The following CTNNA2 variants were observed in gnomAD, a reference collection of about 807,000 sequenced individuals.
CTNNA2 encodes the protein catenin alpha-2.
CTNNA2 carries 42 observed loss-of-function variants against 101.0 expected under a neutral mutation model. That is an observed-to-expected ratio of 0.42 (90% CI 0.32 to 0.54). The LOEUF is 0.54. Ranked by LOEUF, CTNNA2 falls within the 20% of genes least tolerant of loss-of-function variation. The probability of loss-of-function intolerance (pLI) is 0.14; values close to 1 mark genes in which losing one functional copy is unlikely to be tolerated. For synonymous variants in CTNNA2, 450 were observed against 456.4 expected, an observed-to-expected ratio of 0.99 and a Z score of 0.18; for missense variants, 871 against 1,223.1, an observed-to-expected ratio of 0.71 and a Z score of 4.29.
At chr2:79,669,601 T>C (rs1459275520) in intron 2 of CTNNA2, among the ~76,000 whole-genome samples, 1 of 152,154 alleles carries the variant, frequency 6.6e-6, no homozygotes, top group East Asian at 1.9e-4. Flanking sequence ...GAGAAGGCCC[T>C]GGAGAGGGTG....
intron 13 of CTNNA2, chr2:80,575,330 A>G (rs906131693): frequency 2.6e-5 from 4 of 152,180 alleles, no homozygotes; most frequent in African/African-American, 9.6e-5. Context: ...TTAAAAATTT[A>G]TTTAACCAAA....
In CTNNA2 at chr2:79,958,911, A is replaced by G. The variant is rs188034663; in HGVS notation, c.1056+49114A>G. On this transcript the variant is annotated intron_variant, in intron 7 of 18. Coordinates refer to ENST00000402739, the MANE Select transcript of CTNNA2 (RefSeq NM_001282597.3). ...CCTAAATTTGTTCTGCATGGTAACCATGTTACTTATGTAGGTCTTGGCCAC... is the reference window on the plus strand; with the variant it reads ...CCTAAATTTGTTCTGCATGGTAACCGTGTTACTTATGTAGGTCTTGGCCAC... Among the ~76,000 whole-genome samples, 117 of 152,252 alleles carry G rather than the reference A, an allele frequency of 7.7e-4. 2 individuals carry two copies. In the East Asian group the frequency reaches 0.018, roughly 23 times the overall value.
chr2:80,631,361 A>ATTT (rs35491193), intron 18 of CTNNA2, among the ~76,000 whole-genome samples: 6,337 of 108,142 alleles, frequency 0.059, 307 homozygotes, highest in African/African-American at 0.16. Flanking sequence ...GAAACCACTA[A>ATTT]TTTTTTTTTT....
intron 2 of CTNNA2, among the ~76,000 whole-genome samples, chr2:79,216,348 G>C (rs1329637772): frequency 7.1e-6 from 1 of 140,762 alleles, no homozygotes; most frequent in Non-Finnish European, 1.6e-5. Flanking sequence ...GAGACACGGA[G>C]GGAAGGGGTT....
At chr2:80,036,318 G>A (rs959238241) in intron 7 of CTNNA2, among the ~76,000 whole-genome samples, 1 of 152,190 alleles carries the variant, frequency 6.6e-6, no homozygotes, top group Non-Finnish European at 1.5e-5. Flanking sequence ...ACTCAGACAG[G>A]TGCAGTTGCT....
At chr2:79,626,190 A>T (rs1488952379) in intron 1 of CTNNA2, among the ~76,000 whole-genome samples, 1 of 152,200 alleles carries the variant, frequency 6.6e-6, no homozygotes, top group Non-Finnish European at 1.5e-5. Context: ...GAACACAGCA[A>T]GTGGCCTTCT....
chr2:79,645,269 G>A (rs1301302386), intron 1 of CTNNA2, among the ~76,000 whole-genome samples: 2 of 152,132 alleles, frequency 1.3e-5, no homozygotes, highest in African/African-American at 4.8e-5. Context: ...TTATAGACGA[G>A]AGCAATCGCA....
intron 7 of CTNNA2, among the ~76,000 whole-genome samples, chr2:80,042,395 G>T (rs538018703): frequency 2.6e-5 from 4 of 152,198 alleles, no homozygotes; most frequent in Admixed American, 2.6e-4. Flanking sequence ...GTTGAGAATC[G>T]GGTTTAATAA....
intron 2 of CTNNA2, among the ~76,000 whole-genome samples, chr2:79,263,699 A>C (rs895090508): frequency 6.6e-6 from 1 of 152,156 alleles, no homozygotes; most frequent in Non-Finnish European, 1.5e-5. Flanking sequence ...CTTCATTACC[A>C]CAAGAGTGGG....
chr2:80,147,372 A>C (rs1703415440), intron 7 of CTNNA2, among the ~76,000 whole-genome samples: 1 of 152,138 alleles, frequency 6.6e-6, no homozygotes, highest in Non-Finnish European at 1.5e-5. Context: ...AAGTGCTGGG[A>C]TTACAGCCTT....
intron 9 of CTNNA2, among the ~76,000 whole-genome samples, chr2:80,482,135 A>T (rs1470733264): frequency 6.6e-6 from 1 of 152,084 alleles, no homozygotes; most frequent in African/African-American, 2.4e-5. Flanking sequence ...TAGTCTTTAG[A>T]AATAAAGGCA....
At chr2:80,308,527 A>G (rs1349526473) in intron 7 of CTNNA2, among the ~76,000 whole-genome samples, 3 of 152,302 alleles carry the variant, frequency 2.0e-5, no homozygotes, top group East Asian at 3.9e-4. Context: ...CACATACCAT[A>G]CAGCTGGCAT....
chr2:79,217,417 G>C (rs1030014165), intron 2 of CTNNA2, among the ~76,000 whole-genome samples: 2 of 152,140 alleles, frequency 1.3e-5, no homozygotes, highest in African/African-American at 4.8e-5. Context: ...AGTCAGTGAA[G>C]GGAGATAGAG....
chr2:79,528,443 G>A (rs186998893), intron 1 of CTNNA2, among the ~76,000 whole-genome samples: 47 of 152,012 alleles, frequency 3.1e-4, no homozygotes, highest in African/African-American at 1.1e-3. Context: ...GAGAGTTTTC[G>A]TTTTGAGATG....
At chr2:79,285,868 A>G (rs1675560273) in intron 2 of CTNNA2, among the ~76,000 whole-genome samples, 1 of 147,304 alleles carries the variant, frequency 6.8e-6, no homozygotes, top group Non-Finnish European at 1.5e-5. Flanking sequence ...AAAGTCTCCC[A>G]TTATTAATGT....
intron 7 of CTNNA2, among the ~76,000 whole-genome samples, chr2:80,143,710 G>A (rs1473393758): frequency 5.3e-5 from 8 of 152,090 alleles, no homozygotes; most frequent in South Asian, 2.1e-4. Flanking sequence ...AAACATCAAA[G>A]CTAAAGCAGC....
At chr2:79,464,779 C>T (rs1670916005) in intron 4 of CTNNA2, among the ~76,000 whole-genome samples, 1 of 151,858 alleles carries the variant, frequency 6.6e-6, no homozygotes, top group African/African-American at 2.4e-5. Flanking sequence ...GCATAAATGT[C>T]TTCCTCTGAG....
At chr2:79,711,824 G>A (rs1685759339) in intron 2 of CTNNA2, among the ~76,000 whole-genome samples, 1 of 152,142 alleles carries the variant, frequency 6.6e-6, no homozygotes, top group Non-Finnish European at 1.5e-5. Flanking sequence ...ACGAATAGGT[G>A]TGACTGTGTT....
chr2:80,490,692 T>C (rs1296030300), intron 9 of CTNNA2, among the ~76,000 whole-genome samples: 4 of 152,096 alleles, frequency 2.6e-5, no homozygotes, highest in African/African-American at 4.8e-5. Context: ...ATTTTCTAAA[T>C]AATATCTAAG....
Sources: gnomAD v4.1 joint callset for allele counts (sites outside exome capture counted in the v4.1 genomes callset) on GRCh38, gnomAD v4.1.1 for gene constraint, MANE v1.5 for transcripts, NCBI Gene and HGNC (gene_info 2026-07-23, HGNC 2026-07-21) for gene names.